Variants in NHP2 observed in about 807,000 individuals in gnomAD.
NHP2 encodes the protein NHP2 ribonucleoprotein.
NHP2 carries 10 observed loss-of-function variants against 16.7 expected under a neutral mutation model. The ratio of observed to expected loss-of-function variants is 0.60; its 90% confidence interval spans 0.37 to 1.01. The LOEUF is 1.01. Among genes scored for constraint, NHP2 ranks in the 50% least tolerant of loss-of-function variants. NHP2 has a pLI of 0.01. For missense variants in NHP2, 184 were observed against 198.3 expected (o/e 0.93, Z 0.43); for synonymous variants, 87 against 78.9 (o/e 1.10, Z -0.54).
At chr5:178,150,538 C>G in intron 3 of NHP2, 1 of 383,364 alleles carries the variant, frequency 2.6e-6, no homozygotes, top group Non-Finnish European at 5.1e-6. Flanking sequence ...TGCCACCACA[C>G]CCAGCTAATT....
chr5:178,149,658 C>T lies in NHP2; in HGVS notation c.*55G>A, dbSNP rs375546822. The T allele has an allele frequency of 1.2e-6, 2 of 1,609,964 alleles. No individual in the cohort carries two copies. The highest frequency in any genetic ancestry group is 2.2e-5 in the East Asian group (1 of 44,840). ...GTGGGCAGGAGGACAGCCAGTCGTC[C>T]TGCTGCCAGCCCAATAGCTTCCAGC... On this transcript the variant is annotated 3_prime_UTR_variant, in exon 4 of 4. Transcript: ENST00000274606.
At chr5:178,153,161 A>G in intron 2 of NHP2, 1 of 430,784 alleles carries the variant, frequency 2.3e-6, no homozygotes, top group South Asian at 2.1e-5. Flanking sequence ...ACTGAGATTC[A>G]GGGCTGAGAG....
chr5:178,152,964 G>C (rs916983988), intron 2 of NHP2, among the ~76,000 whole-genome samples: 83 of 152,322 alleles, frequency 5.4e-4, no homozygotes, highest in African/African-American at 1.9e-3. Flanking sequence ...GGCGCAAGCC[G>C]GTGGTCTCAG....
Position 178,149,769 on chromosome 5 carries a change from G to C in NHP2, c.406C>G (p.Gln136Glu). Residue 136 changes from glutamine to glutamate, a missense_variant, in exon 4 of 4, where the codon CAG becomes GAG. Gln to Glu is a conservative substitution (Grantham distance 29). Transcript: ENST00000274606. ...VIMVKPHEEY[Q>E]EAYDECLEEV... ...TCCAGGCACTCATCGTAAGCCTCCT[G>C]GTACTCCTCATGGGGCTTGACCATT... 6.2e-7 allele frequency: 1 copy of C among 1,614,096 alleles called. No individual in the cohort carries two copies. Among genetic ancestry groups the C allele is most frequent in the Middle Eastern group, 1.7e-4 (1 of 6,058 alleles).
chr5:178,153,634 C>T, intron 1 of NHP2, 24 bp downstream of exon 1: 1 of 1,613,824 alleles, frequency 6.2e-7, no homozygotes. Context: ...GCACCCATCC[C>T]GGCCACGCCG....
Position 178,149,711 on chromosome 5 carries a change from C to T in NHP2, c.*2G>A. 1 of 1,613,620 alleles carries T rather than the reference C, an allele frequency of 6.2e-7. No homozygotes were observed. On this transcript the variant is annotated 3_prime_UTR_variant, in exon 4 of 4. Transcript: ENST00000274606. ...CAGGTGCCCAGGTGCTACCGGAGCC[C>T]CTCATAGGGGTAGGGGCAGGGACTG...
chr5:178,153,830 T>C lies in NHP2; in HGVS notation c.-13A>G, dbSNP rs1178391525. On this transcript the variant is annotated 5_prime_UTR_variant, in exon 1 of 4. Coordinates refer to ENST00000274606, the MANE Select transcript of NHP2 (RefSeq NM_017838.4). ...TTATTTTGGTCATCGCAGCGGCCGC[T>C]GAAACCTAGTCCCAGGGAGGCGAGC... The C allele has an allele frequency of 1.2e-6, 2 of 1,601,356 alleles. No individual in the cohort carries two copies. Among genetic ancestry groups the C allele is most frequent in the Non-Finnish European group, 8.5e-7 (1 of 1,174,290 alleles).
intron 2 of NHP2, chr5:178,153,248 G>A (rs1756319455): frequency 5.1e-6 from 3 of 584,898 alleles, no homozygotes; most frequent in Non-Finnish European, 6.2e-6. Flanking sequence ...TAATGAAGGT[G>A]GGTTTACTCT....
At position 178,149,971 on chromosome 5, in the gene NHP2, C is replaced by T. The variant is rs76613101; in HGVS notation, c.337-133G>A. The T allele has an allele frequency of 0.023, 21,841 of 966,580 alleles. 302 individuals are homozygous for T. The highest frequency in any genetic ancestry group is 0.054 in the Middle Eastern group (244 of 4,484). The allele number at this position is 966,580 out of a possible 1,614,324, so 59.9% of individuals were successfully genotyped here. A position where few individuals can be genotyped will look rare whatever the true frequency, so the allele number is the denominator to read the frequency against. On this transcript the variant is annotated intron_variant, in intron 3 of 3. Transcript: ENST00000274606. ...GTTCGGTCCATGTTCTATTTAAAAG[C>T]ATCTTGAATTGGTTGCCATCATTTA...
intron 2 of NHP2, 110 bp downstream of exon 2, chr5:178,153,381 T>G: frequency 1.8e-6 from 2 of 1,094,284 alleles, no homozygotes; most frequent in Non-Finnish European, 2.8e-6. Context: ...TTGATTGGCT[T>G]CTGTATATGG....
In NHP2 at chr5:178,153,797, A is replaced by C. The variant is rs200279070; in HGVS notation, c.21T>G (p.Asp7Glu). The change falls in exon 1 of 4, where the codon GAT (aspartate) becomes GAG (glutamate). Residue 7 changes from aspartate (D) to glutamate (E), a missense_variant. Physicochemically the swap from Asp to Glu is conservative, Grantham distance 45 (BLOSUM62 2). Transcript: ENST00000274606. Reference protein sequence around the residue: MTKIKADPDGPEAQAEA... With the variant: MTKIKAEPDGPEAQAEA... ...CCGCCTGAGCCTCGGGCCCGTCGGG[A>C]TCTGCCTTTATTTTGGTCATCGCAG... The C allele has an allele frequency of 6.2e-7, 1 of 1,610,956 alleles. No individual in the cohort carries two copies. Among genetic ancestry groups the C allele is most frequent in the Admixed American group, 1.7e-5 (1 of 59,500 alleles).
At chr5:178,149,906 T>C in intron 3 of NHP2, 68 bp from the exon 4 acceptor site, 1 of 1,568,092 alleles carries the variant, frequency 6.4e-7, no homozygotes, top group South Asian at 1.1e-5. Context: ...AGTCACCAAC[T>C]GATGACCCAC....
Position 178,153,839 on chromosome 5 carries a change from G to C in NHP2, c.-22C>G, listed in dbSNP as rs1289166882. ...TCATCGCAGCGGCCGCTGAAACCTA[G>C]TCCCAGGGAGGCGAGCCCACGCGGT... On this transcript the variant is annotated 5_prime_UTR_variant, in exon 1 of 4. Transcript: ENST00000274606. The C allele has an allele frequency of 6.3e-7, 1 of 1,597,620 alleles. No homozygotes were observed. The highest frequency in any genetic ancestry group is 1.1e-5 in the South Asian group (1 of 89,234).
At chr5:178,150,608 C>T (rs775117523) in intron 3 of NHP2, 11 of 585,608 alleles carry the variant, frequency 1.9e-5, no homozygotes, top group Non-Finnish European at 3.2e-5. Flanking sequence ...TTCCTGAACT[C>T]CTGTCCTCAA....
chr5:178,151,639 G>A (rs546530953), intron 2 of NHP2, among the ~76,000 whole-genome samples: 1 of 152,324 alleles, frequency 6.6e-6, no homozygotes, highest in Admixed American at 6.5e-5. Flanking sequence ...TGGGCCCTCT[G>A]CTGGCTCCCC....
At chr5:178,149,913 C>A in intron 3 of NHP2, 75 bp from the exon 4 acceptor site, 1 of 1,535,076 alleles carries the variant, frequency 6.5e-7, no homozygotes, top group South Asian at 1.2e-5. Flanking sequence ...AACTGATGAC[C>A]CACCAGCCTA....
rs760660676 is a variant in NHP2, at chr5:178,153,669, C to T, written c.149G>A (p.Cys50Tyr). The T allele has an allele frequency of 6.2e-7, 1 of 1,614,018 alleles. No individual in the cohort carries two copies. The highest frequency in any genetic ancestry group is 1.1e-5 in the South Asian group (1 of 91,074). The change falls in exon 1 of 4, where the codon TGC (cysteine) becomes TAC (tyrosine). Residue 50 changes from cysteine to tyrosine, a missense_variant. Cys to Tyr is a radical substitution (Grantham distance 194). Transcript: ENST00000274606. ...SRRLTRKLYK[C>Y]IKKAVKQKQI... ...GCCGTCCGCCTCACCTTTCTTGATG[C>T]ATTTGTAGAGCTTCCGCGTGAGGCG...
At chr5:178,153,440 T>A in intron 2 of NHP2, 51 bp downstream of exon 2, 1 of 1,587,016 alleles carries the variant, frequency 6.3e-7, no homozygotes, top group South Asian at 1.1e-5. Context: ...AAGTAGAGAT[T>A]TCTCCGTTAA....
At position 178,153,621 on chromosome 5, in the gene NHP2, C is replaced by T. The variant is rs748722301; in HGVS notation, c.160+37G>A. ...CAGCCACCCGCGCACCCATCCCACC[C>T]GCGCACCCATCCCGGCCACGCCGCC... On this transcript the variant is annotated intron_variant, in intron 1 of 3. Coordinates refer to ENST00000274606, the MANE Select transcript of NHP2 (RefSeq NM_017838.4). The T allele has an allele frequency of 3.3e-5, 53 of 1,613,904 alleles. No individual in the cohort carries two copies. The South Asian group carries it at 5.5e-4, about 17-fold the overall frequency.
Sources: gnomAD v4.1 joint callset for allele counts (sites outside exome capture counted in the v4.1 genomes callset) on GRCh38, gnomAD v4.1.1 for gene constraint, MANE v1.5 for transcripts, NCBI Gene and HGNC (gene_info 2026-07-23, HGNC 2026-07-21) for gene names.